The following MTM1 variants were observed in gnomAD, a reference collection of about 807,000 sequenced individuals.
MTM1 encodes the protein myotubularin 1.
In MTM1, 9 loss-of-function variants were observed where a neutral mutation model predicts 52.1. The observed-to-expected ratio is 0.17, with a 90% CI of 0.10 to 0.30. The LOEUF (loss-of-function observed/expected upper bound fraction) is 0.30, where lower values mean the gene tolerates loss of function less well. MTM1 is among the 10% of genes least tolerant of loss of function. The probability of loss-of-function intolerance (pLI) is 1.00; values close to 1 mark genes in which losing one functional copy is unlikely to be tolerated. For synonymous variants in MTM1, 136 were observed against 163.8 expected, an observed-to-expected ratio of 0.83 and a Z score of 1.29; for missense variants, 277 against 470.7, an observed-to-expected ratio of 0.59 and a Z score of 3.81.
the MTM1 span, among the ~76,000 whole-genome samples, chrX:150,563,261 C>T: frequency 9.6e-6 from 1 of 104,019 alleles, no homozygotes; most frequent in East Asian, 3.1e-4. Flanking sequence ...GGAATCTTAA[C>T]TGAGGCTATG....
intron 1 of MTM1, among the ~76,000 whole-genome samples, chrX:150,574,220 A>G (rs1166762464): frequency 9.0e-6 from 1 of 111,414 alleles, no homozygotes; most frequent in Non-Finnish European, 1.9e-5. Context: ...TTCCTTCACT[A>G]TATCAACTCT....
At chrX:150,637,820 T>C in intron 6 of MTM1, among the ~76,000 whole-genome samples, 1 of 112,051 alleles carries the variant, frequency 8.9e-6, no homozygotes, top group Admixed American at 9.4e-5. Flanking sequence ...AGGTGTGACT[T>C]ACGTGGAGCG....
At chrX:150,583,553 TTTATATATA>T (rs1557412034) in intron 1 of MTM1, among the ~76,000 whole-genome samples, 1 of 23,126 alleles carries the variant, frequency 4.3e-5, no homozygotes, top group Non-Finnish European at 5.8e-5. Context: ...TTATACATAA[TTTATATATA>T]ATATATAATT....
At chrX:150,611,255 C>T (rs1385869684) in intron 4 of MTM1, among the ~76,000 whole-genome samples, 1 of 111,798 alleles carries the variant, frequency 8.9e-6, no homozygotes, top group Non-Finnish European at 1.9e-5. Context: ...TATTCTTTGC[C>T]ATAATAATAA....
rs370935351 is a variant in MTM1 at position 150,668,718 on chromosome X, T to TA, written c.1645-2700dup. ...GCAACAAAGTGAGACCCTGTCTCTT[T>TA]AAAAAAAAAACAGAAACGTAATACT... On this transcript the variant is annotated intron_variant, in intron 14 of 14. Transcript: ENST00000370396. 4.1e-3 allele frequency among the ~76,000 whole-genome samples: 431 copies of TA among 104,525 alleles called. 3 individuals are homozygous for TA. Among genetic ancestry groups the TA allele is most frequent in the African/African-American group, 0.012 (357 of 28,877 alleles). 90.8% of individuals were successfully genotyped at this position (104,525 alleles called of 115,157 possible).
chrX:150,656,658 A>G (rs1368429968), intron 10 of MTM1, among the ~76,000 whole-genome samples: 1 of 112,215 alleles, frequency 8.9e-6, no homozygotes, highest in African/African-American at 3.2e-5. Context: ...CAGTGTCTGC[A>G]GCAAAAGTAA....
At chrX:150,656,338 G>GAC (rs782107286) in intron 10 of MTM1, among the ~76,000 whole-genome samples, 13,123 of 110,075 alleles carry the variant, frequency 0.12, 777 homozygotes, top group African/African-American at 0.23. Context: ...TTTGGACACA[G>GAC]ACACACACAC....
At chrX:150,610,556 A>C (rs1207722169) in intron 4 of MTM1, among the ~76,000 whole-genome samples, 1 of 112,538 alleles carries the variant, frequency 8.9e-6, no homozygotes, top group Non-Finnish European at 1.9e-5. Flanking sequence ...ATATTTAATG[A>C]TATTTAGATA....
intron 6 of MTM1, among the ~76,000 whole-genome samples, chrX:150,623,958 G>A (rs782053007): frequency 8.9e-6 from 1 of 111,823 alleles, no homozygotes; most frequent in South Asian, 3.7e-4. Context: ...ATGAAATGGT[G>A]TCTGGAGGCC....
At chrX:150,647,517 C>T (rs1308986312) in intron 9 of MTM1, among the ~76,000 whole-genome samples, 19 of 111,381 alleles carry the variant, frequency 1.7e-4, no homozygotes, top group Admixed American at 9.6e-4. Context: ...TGTGTCTCTC[C>T]GCTAGTCGCT....
At chrX:150,632,047 T>C (rs2039680263) in intron 6 of MTM1, among the ~76,000 whole-genome samples, 1 of 112,187 alleles carries the variant, frequency 8.9e-6, no homozygotes, top group African/African-American at 3.2e-5. Context: ...TTCCTTTCTA[T>C]TGTTGCTTAA....
At chrX:150,584,992 T>C (rs182131345) in intron 1 of MTM1, among the ~76,000 whole-genome samples, 1 of 110,669 alleles carries the variant, frequency 9.0e-6, no homozygotes, top group Non-Finnish European at 1.9e-5. Flanking sequence ...GTTGGTTGAA[T>C]CCCTAGATGT....
chrX:150,575,171 G>A (rs1557411604), intron 1 of MTM1, among the ~76,000 whole-genome samples: 2 of 112,474 alleles, frequency 1.8e-5, no homozygotes, highest in South Asian at 3.7e-4. Context: ...CAAAGAACTC[G>A]AGGAATGCCT....
At chrX:150,630,507 A>G (rs1282495013) in intron 6 of MTM1, among the ~76,000 whole-genome samples, 4 of 112,148 alleles carry the variant, frequency 3.6e-5, no homozygotes, top group African/African-American at 1.3e-4. Context: ...TTTATCTTGT[A>G]TGAGTAAAAT....
chrX:150,590,592 T>C (rs1472747035), intron 1 of MTM1, among the ~76,000 whole-genome samples: 1 of 111,454 alleles, frequency 9.0e-6, no homozygotes, highest in Non-Finnish European at 1.9e-5. Context: ...AACTGTATGG[T>C]ATGTGAGTTG....
intron 4 of MTM1, among the ~76,000 whole-genome samples, chrX:150,600,836 T>A (rs1306207947): frequency 2.7e-5 from 3 of 111,946 alleles, no homozygotes; most frequent in Non-Finnish European, 5.6e-5. Flanking sequence ...TCTTGGCTTT[T>A]TGACTCACCC....
chrX:150,642,872 C>T (rs1557413881), intron 8 of MTM1, among the ~76,000 whole-genome samples: 3 of 111,952 alleles, frequency 2.7e-5, no homozygotes. Context: ...CAGTAGTCCC[C>T]ATTATTCTGA....
At chrX:150,592,705 C>T (rs1603119144) in intron 2 of MTM1, 28 bp downstream of exon 2, 1 of 981,034 alleles carries the variant, frequency 1.0e-6, no homozygotes, top group East Asian at 3.0e-5. Context: ...ATTTATCTGT[C>T]TCTTTCCTTG....
intron 14 of MTM1, among the ~76,000 whole-genome samples, chrX:150,667,001 C>T (rs993905719): frequency 2.7e-5 from 3 of 111,687 alleles, no homozygotes; most frequent in South Asian, 3.7e-4. Flanking sequence ...TGTGTGGCAG[C>T]GATAACCTTC....
Sources: gnomAD v4.1 joint callset for allele counts (sites outside exome capture counted in the v4.1 genomes callset) on GRCh38, gnomAD v4.1.1 for gene constraint, MANE v1.5 for transcripts, NCBI Gene and HGNC (gene_info 2026-07-23, HGNC 2026-07-21) for gene names.